LTBP2: variants seen among roughly 807,000 people sequenced by gnomAD.
The protein encoded by LTBP2 is latent transforming growth factor beta binding protein 2.
A neutral mutation model predicts 210.6 loss-of-function variants in LTBP2; 103 were observed. That is an observed-to-expected ratio of 0.49 (90% CI 0.42 to 0.58). The LOEUF (loss-of-function observed/expected upper bound fraction) is 0.58, where lower values mean the gene tolerates loss of function less well. Ranked by LOEUF, LTBP2 falls within the 20% of genes least tolerant of loss-of-function variation. The pLI is 0.00. For missense variants in LTBP2, 2,313 were observed against 2,494.5 expected (o/e 0.93, Z 1.55); for synonymous variants, 1,007 against 1,015.0 (o/e 0.99, Z 0.15).
At chr14:74,588,995 A>C (rs1226936446) in intron 2 of LTBP2, among the ~76,000 whole-genome samples, 1 of 152,176 alleles carries the variant, frequency 6.6e-6, no homozygotes, top group Non-Finnish European at 1.5e-5. Context: ...TAAGGAAATA[A>C]AGGGGATCTG....
intron 35 of LTBP2, 53 bp downstream of exon 35, chr14:74,501,388 G>C: frequency 6.2e-7 from 1 of 1,613,074 alleles, no homozygotes; most frequent in South Asian, 1.1e-5. Context: ...GAGTTCAGGC[G>C]TCTCTGTGGG....
At chr14:74,591,037 C>T (rs2088276251) in intron 2 of LTBP2, among the ~76,000 whole-genome samples, 1 of 152,174 alleles carries the variant, frequency 6.6e-6, no homozygotes. Context: ...GTCTAGAAAT[C>T]CAAGACCCCA....
chr14:74,558,378 G>A (rs1426786575), intron 3 of LTBP2, among the ~76,000 whole-genome samples: 2 of 152,174 alleles, frequency 1.3e-5, no homozygotes, highest in Non-Finnish European at 2.9e-5. Context: ...CTGGGCAACA[G>A]AGTGAGACTC....
intron 14 of LTBP2, among the ~76,000 whole-genome samples, chr14:74,525,549 T>C (rs2087261851): frequency 6.6e-6 from 1 of 152,212 alleles, no homozygotes; most frequent in South Asian, 2.1e-4. Context: ...TCAACATTCT[T>C]TCACTTCTGC....
chr14:74,590,528 C>T (rs1024068385), intron 2 of LTBP2, among the ~76,000 whole-genome samples: 11 of 152,158 alleles, frequency 7.2e-5, no homozygotes, highest in Middle Eastern at 3.4e-3. Flanking sequence ...TCACTTAAAC[C>T]CAGGAGTGAG....
chr14:74,598,443 C>T (rs1458941306), intron 2 of LTBP2, among the ~76,000 whole-genome samples: 1 of 152,222 alleles, frequency 6.6e-6, no homozygotes, highest in Non-Finnish European at 1.5e-5. Context: ...AGGGCTCTCT[C>T]AGGCACACGG....
chr14:74,580,755 T>A (rs1486361657), intron 3 of LTBP2, among the ~76,000 whole-genome samples: 1 of 151,598 alleles, frequency 6.6e-6, no homozygotes, highest in Non-Finnish European at 1.5e-5. Context: ...AACCCAGGAG[T>A]TGGAGACCAG....
intron 30 of LTBP2, 85 bp from the exon 31 acceptor site, chr14:74,504,139 T>C: frequency 1.3e-6 from 2 of 1,551,744 alleles, no homozygotes; most frequent in Non-Finnish European, 1.8e-6. Flanking sequence ...CCAGGCTGGG[T>C]TTGAATCCCA....
Position 74,503,406 on chromosome 14 carries a change from A to AG in LTBP2, c.4721-21dup. 2 of 1,610,884 alleles carry AG rather than the reference A, an allele frequency of 1.2e-6. No homozygotes were observed. The highest frequency in any genetic ancestry group is 1.7e-6 in the Non-Finnish European group (2 of 1,179,488). ...GGTCCTCTGGTGGCACAGGGCACGG[A>AG]GGCACATGAGCCCCCCAGCCCAGGT... On this transcript the variant is annotated intron_variant, in intron 32 of 35. Coordinates refer to ENST00000261978, the MANE Select transcript of LTBP2 (RefSeq NM_000428.3).
intron 3 of LTBP2, among the ~76,000 whole-genome samples, chr14:74,581,651 G>T (rs1172658765): frequency 6.6e-6 from 1 of 152,156 alleles, no homozygotes; most frequent in Non-Finnish European, 1.5e-5. Context: ...ACCTGAATGA[G>T]CGAGGAAACC....
intron 17 of LTBP2, among the ~76,000 whole-genome samples, chr14:74,517,524 C>G (rs1478047725): frequency 6.6e-6 from 1 of 152,262 alleles, no homozygotes; most frequent in South Asian, 2.1e-4. Context: ...GTGCCCGCTA[C>G]CACACCCAGC....
intron 8 of LTBP2, among the ~76,000 whole-genome samples, chr14:74,540,860 T>TATATATA (rs2087494820): frequency 2.1e-5 from 2 of 95,350 alleles, no homozygotes; most frequent in African/African-American, 7.7e-5. Flanking sequence ...ATATATATTA[T>TATATATA]ATATATTTAT....
In LTBP2 at chr14:74,551,159, C is replaced by T; in HGVS notation, c.1591G>A (p.Ala531Thr). 1 of 1,613,938 alleles carries T rather than the reference C, an allele frequency of 6.2e-7. No homozygotes were observed. The highest frequency in any genetic ancestry group is 8.5e-7 in the Non-Finnish European group (1 of 1,180,028). The change falls in exon 7 of 36, where the codon GCT becomes ACT. Residue 531 changes from alanine to threonine, a missense_variant. Physicochemically the swap from Ala to Thr is moderately conservative, Grantham distance 58. This residue lies in a region of LTBP2 where 1,867 missense variants were observed against 1,976.9 expected (regional missense o/e 0.94). Coordinates refer to ENST00000261978, the MANE Select transcript of LTBP2 (RefSeq NM_000428.3). ...HSLWDSNNIP[A>T]RSGEPPRPLP... ...GGCCGAGGGGGCTCTCCAGACCGAG[C>T]AGGGATGTTGTTGCTGTCCCAGAGG... is the stretch of plus-strand genomic sequence containing the variant.
At chr14:74,598,241 C>G (rs1052784396) in intron 2 of LTBP2, among the ~76,000 whole-genome samples, 1 of 152,172 alleles carries the variant, frequency 6.6e-6, no homozygotes, top group Admixed American at 6.5e-5. Context: ...CTCAAGGAAG[C>G]CAAGGAGGAG....
chr14:74,516,457 C>T (rs1426809590), intron 18 of LTBP2, among the ~76,000 whole-genome samples: 1 of 150,632 alleles, frequency 6.6e-6, no homozygotes, highest in East Asian at 2.0e-4. Context: ...CAGGAGCTAA[C>T]AATCTAACAA....
intron 3 of LTBP2, among the ~76,000 whole-genome samples, chr14:74,572,873 C>T (rs1236418542): frequency 2.6e-5 from 4 of 152,176 alleles, no homozygotes; most frequent in Non-Finnish European, 5.9e-5. Flanking sequence ...CTTTGCCAGT[C>T]TTTCCTCTCT....
Position 74,503,433 on chromosome 14 carries a change from C to A in LTBP2, c.4720+36G>T, listed in dbSNP as rs984840076. ...GCACATGAGCCCCCCAGCCCAGGTA[C>A]CCTTCTCCTGCTCCCCCACGCTCAG... is the stretch of plus-strand genomic sequence containing the variant. On this transcript the variant is annotated intron_variant, in intron 32 of 35. Transcript: ENST00000261978. The A allele has an allele frequency of 2.5e-6, 4 of 1,609,332 alleles. No individual in the cohort carries two copies. The African/African-American group carries it at 4.0e-5, about 16-fold the overall frequency.
At chr14:74,540,926 T>TTTTATA (rs1252308704) in intron 8 of LTBP2, among the ~76,000 whole-genome samples, 22 of 16,410 alleles carry the variant, frequency 1.3e-3, no homozygotes, top group African/African-American at 1.8e-3. Context: ...TATATATAGG[T>TTTTATA]TATATATATA....
At chr14:74,535,745 C>T (rs1566627997) in intron 9 of LTBP2, among the ~76,000 whole-genome samples, 181 bp downstream of exon 9, 1 of 152,096 alleles carries the variant, frequency 6.6e-6, no homozygotes. Flanking sequence ...CTCTGTCACT[C>T]TCAAGCAAGT....
Sources: gnomAD v4.1 joint callset for allele counts (sites outside exome capture counted in the v4.1 genomes callset) on GRCh38, gnomAD v4.1.1 for gene constraint, gnomAD v4.1.1 regional missense constraint, MANE v1.5 for transcripts, NCBI Gene and HGNC (gene_info 2026-07-23, HGNC 2026-07-21) for gene names.